Variants in MYBPC1 observed in about 807,000 individuals in gnomAD.
MYBPC1 encodes myosin binding protein C1.
Under a neutral mutation model 147.1 loss-of-function variants are expected in MYBPC1, and 52 were observed. That is an observed-to-expected ratio of 0.35 (90% CI 0.28 to 0.45). The LOEUF is 0.45. MYBPC1 is among the 20% of genes least tolerant of loss of function. MYBPC1 has a pLI of 1.00. For synonymous variants in MYBPC1, 477 were observed against 475.9 expected, an observed-to-expected ratio of 1.00 and a Z score of -0.03; for missense variants, 1,228 against 1,440.3, an observed-to-expected ratio of 0.85 and a Z score of 2.39.
chr12:101,612,466 T>C (rs979741412), intron 1 of MYBPC1, among the ~76,000 whole-genome samples: 5 of 152,150 alleles, frequency 3.3e-5, no homozygotes, highest in African/African-American at 4.8e-5. Flanking sequence ...GAGAGGCCAC[T>C]GAGACGTAGT....
intron 3 of MYBPC1, among the ~76,000 whole-genome samples, chr12:101,622,752 A>T (rs1593729556): frequency 6.6e-6 from 1 of 152,070 alleles, no homozygotes; most frequent in Admixed American, 6.6e-5. Flanking sequence ...ATTAATTAAT[A>T]AATAAAAATA....
In MYBPC1 at chr12:101,661,203, A is replaced by T; in HGVS notation, c.1973A>T (p.Asp658Val). Residue 658 changes from aspartate (D) to valine (V), a missense_variant, in exon 20 of 32, where the codon GAT becomes GTT. Transcript: ENST00000361466. ...GCACCGACTGTGACAGAGGTGGGAG[A>T]TGACTGGTGTATCATGAACTGGGAG... ...PVAPTVTEVG[D>V]DWCIMNWEPP... The T allele has an allele frequency of 6.2e-7, 1 of 1,613,654 alleles. No individual in the cohort carries two copies. The highest frequency in any genetic ancestry group is 8.5e-7 in the Non-Finnish European group (1 of 1,179,924).
At chr12:101,687,418 G>A (rs1469877887), downstream of MYBPC1, among the ~76,000 whole-genome samples, 3 of 152,044 alleles carry the variant, frequency 2.0e-5, no homozygotes, top group African/African-American at 7.3e-5. Flanking sequence ...ATTTTTTATG[G>A]CTGCATAGTA....
At chr12:101,599,438 A>G (rs1461367714) in intron 1 of MYBPC1, among the ~76,000 whole-genome samples, 1 of 152,150 alleles carries the variant, frequency 6.6e-6, no homozygotes, top group Non-Finnish European at 1.5e-5. Context: ...GTAGAGCAGC[A>G]TTCATCCCCT....
chr12:101,646,403 T>C (rs1353457144), intron 12 of MYBPC1, among the ~76,000 whole-genome samples: 1 of 152,084 alleles, frequency 6.6e-6, no homozygotes, highest in Non-Finnish European at 1.5e-5. Flanking sequence ...TCCCAACACT[T>C]TGGGAGGCTG....
chr12:101,610,922 T>C (rs1179375283), intron 1 of MYBPC1, among the ~76,000 whole-genome samples: 2 of 152,170 alleles, frequency 1.3e-5, no homozygotes, highest in African/African-American at 4.8e-5. Context: ...CCCTAGGCTG[T>C]GGGATCTCAA....
In MYBPC1 at chr12:101,597,452, C is replaced by T. The variant is rs984272464; in HGVS notation, c.25+2357C>T. On this transcript the variant is annotated intron_variant, in intron 1 of 31. Transcript: ENST00000361466. ...CTCAAAAGAGGCTGAGTTTTCAGCACCTGAAGGTACAAAAAATGTCTCACT... is the reference window on the plus strand; with the variant it reads ...CTCAAAAGAGGCTGAGTTTTCAGCATCTGAAGGTACAAAAAATGTCTCACT... Among the ~76,000 whole-genome samples, 13 of 152,266 alleles carry T rather than the reference C, an allele frequency of 8.5e-5. No homozygotes were observed. In the East Asian group the frequency reaches 2.5e-3, roughly 29 times the overall value.
chr12:101,694,712 A>G, the MYBPC1 span, among the ~76,000 whole-genome samples: 6 of 151,594 alleles, frequency 4.0e-5, no homozygotes, highest in Admixed American at 6.6e-5. Flanking sequence ...TAAACTATTC[A>G]GTCTACGGTA....
At chr12:101,666,732 G>A (rs140448093) in intron 22 of MYBPC1, 2 of 1,611,714 alleles carry the variant, frequency 1.2e-6, no homozygotes, top group Non-Finnish European at 1.7e-6. Flanking sequence ...TTTTAATGAC[G>A]GATTCTCAAA....
chr12:101,608,135 A>G lies in MYBPC1; in HGVS notation c.26-6361A>G, dbSNP rs1323759243. ...TGACCATAGGAAAAATCCACCATAA[A>G]TAGATCTACCCCTTTGAAAGCATTT... On this transcript the variant is annotated intron_variant, in intron 1 of 31. Transcript: ENST00000361466. Among the ~76,000 whole-genome samples, 3 of 152,144 alleles carry G rather than the reference A, an allele frequency of 2.0e-5. No individual in the cohort carries two copies. In the East Asian group the frequency reaches 5.8e-4, roughly 29 times the overall value.
At chr12:101,683,580 G>A (rs1458472076) in intron 30 of MYBPC1, among the ~76,000 whole-genome samples, 3 of 152,054 alleles carry the variant, frequency 2.0e-5, no homozygotes, top group East Asian at 1.9e-4. Context: ...AACTTAAAAG[G>A]AAAGAAAATT....
At chr12:101,623,952 A>T (rs825066) in intron 3 of MYBPC1, among the ~76,000 whole-genome samples, 72,699 of 152,052 alleles carry the variant, frequency 0.48, 17,919 homozygotes, top group East Asian at 0.66. Flanking sequence ...ATGCATGCAT[A>T]TTAGTTCAGG....
intron 3 of MYBPC1, among the ~76,000 whole-genome samples, chr12:101,618,241 T>A (rs967919724): frequency 1.3e-5 from 2 of 152,240 alleles, no homozygotes; most frequent in African/African-American, 4.8e-5. Context: ...ATTGGATTAC[T>A]TTCCTTCAGC....
intron 27 of MYBPC1, among the ~76,000 whole-genome samples, chr12:101,677,790 A>G (rs1410081535): frequency 1.3e-5 from 2 of 152,252 alleles, no homozygotes; most frequent in Non-Finnish European, 2.9e-5. Flanking sequence ...TTTTCATCAT[A>G]AACCACTCTT....
intron 3 of MYBPC1, among the ~76,000 whole-genome samples, chr12:101,619,707 A>G (rs972719515): frequency 1.3e-5 from 2 of 152,216 alleles, no homozygotes; most frequent in Non-Finnish European, 2.9e-5. Context: ...GCCTAAAGCT[A>G]CTGAAAATGG....
chr12:101,686,753 T>G (rs540332500), downstream of MYBPC1, among the ~76,000 whole-genome samples: 3 of 152,204 alleles, frequency 2.0e-5, no homozygotes, highest in African/African-American at 7.2e-5. Context: ...CTTTTTTCTT[T>G]CCAGATTTTA....
At chr12:101,601,151 T>C (rs2135560401) in intron 1 of MYBPC1, among the ~76,000 whole-genome samples, 1 of 152,280 alleles carries the variant, frequency 6.6e-6, no homozygotes, top group African/African-American at 2.4e-5. Context: ...AGCCAAACTG[T>C]GAAAAAGAAG....
In MYBPC1 at chr12:101,634,582, C is replaced by T; in HGVS notation, c.585C>T (p.Asp195=). 1 of 1,613,274 alleles carries T rather than the reference C, an allele frequency of 6.2e-7. No individual in the cohort carries two copies. The highest frequency in any genetic ancestry group is 8.5e-7 in the Non-Finnish European group (1 of 1,179,242). The change falls in exon 9 of 32, where the codon GAC becomes GAT. Residue 195 remains aspartate, a synonymous_variant. Transcript: ENST00000361466. ...HESTGTTPNI[D]IRSAFKRSGE... is the part of the protein sequence containing the mutation. Reference sequence around the variant, plus strand: ...CTACTGGGACTACTCCAAACATTGACATCAGATCTGCTTTCAAGAGAAGGT... The same window carrying T: ...CTACTGGGACTACTCCAAACATTGATATCAGATCTGCTTTCAAGAGAAGGT...
intron 27 of MYBPC1, among the ~76,000 whole-genome samples, chr12:101,677,856 CAGAA>C (rs1190748227): frequency 1.3e-5 from 2 of 152,192 alleles, no homozygotes; most frequent in Non-Finnish European, 2.9e-5. Flanking sequence ...TCAAAATACT[CAGAA>C]AGACACCAAA....
Sources: allele counts gnomAD v4.1 joint callset (sites outside exome capture counted in the v4.1 genomes callset), GRCh38; gene constraint gnomAD v4.1.1; transcripts MANE v1.5; gene names NCBI Gene and HGNC (gene_info 2026-07-23, HGNC 2026-07-21).